The following DACH2 variants were observed in gnomAD, a reference collection of about 807,000 sequenced individuals.
DACH2 encodes the protein dachshund homolog 2.
Under a neutral mutation model 35.8 loss-of-function variants are expected in DACH2, and 17 were observed. The ratio of observed to expected loss-of-function variants is 0.48; its 90% CI spans 0.33 to 0.71. The LOEUF (loss-of-function observed/expected upper bound fraction) is 0.71, where lower values mean the gene tolerates loss of function less well. DACH2 is among the 30% of genes least tolerant of loss of function. The pLI is 0.02. For synonymous variants in DACH2, 195 were observed against 177.3 expected, an observed-to-expected ratio of 1.10 and a Z score of -0.79; for missense variants, 469 against 472.7, an observed-to-expected ratio of 0.99 and a Z score of 0.07.
At chrX:86,470,125 G>C (rs1394276502) in intron 2 of DACH2, among the ~76,000 whole-genome samples, 5 of 103,766 alleles carry the variant, frequency 4.8e-5, no homozygotes, top group Non-Finnish European at 7.6e-5. Flanking sequence ...CTTATCAGCA[G>C]AGTATCACAA....
At chrX:86,583,661 A>G (rs1602670002) in intron 3 of DACH2, among the ~76,000 whole-genome samples, 1 of 109,226 alleles carries the variant, frequency 9.2e-6, no homozygotes, top group East Asian at 2.9e-4. Flanking sequence ...ATCAATTGAT[A>G]AGACCATACG....
intron 7 of DACH2, among the ~76,000 whole-genome samples, chrX:86,743,222 G>A (rs1319352861): frequency 9.0e-6 from 1 of 111,278 alleles, no homozygotes; most frequent in African/African-American, 3.3e-5. Context: ...AATACTGATA[G>A]ATATGATCTC....
intron 2 of DACH2, among the ~76,000 whole-genome samples, chrX:86,446,339 A>T (rs1602529064): frequency 2.6e-5 from 2 of 76,751 alleles, no homozygotes; most frequent in African/African-American, 5.2e-5. Flanking sequence ...ACATGTGCAC[A>T]TTGTGCAGGT....
At chrX:86,376,954 G>C in intron 2 of DACH2, 92 bp downstream of exon 2, 1 of 390,578 alleles carries the variant, frequency 2.6e-6, no homozygotes, top group South Asian at 6.0e-5. Flanking sequence ...CTTGTTCCCT[G>C]TACTATACTC....
chrX:86,296,609 T>C (rs1373299220), intron 1 of DACH2, among the ~76,000 whole-genome samples: 1 of 111,337 alleles, frequency 9.0e-6, no homozygotes, highest in Non-Finnish European at 1.9e-5. Context: ...AGACCCTCTT[T>C]GTTACTGTGC....
intron 2 of DACH2, 116 bp from the exon 3 acceptor site, chrX:86,514,163 A>G: frequency 1.5e-6 from 1 of 666,228 alleles, no homozygotes; most frequent in Admixed American, 3.1e-5. Flanking sequence ...CTTTAATGTA[A>G]AATTCTATCA....
At chrX:86,465,951 T>A (rs2037659097) in intron 2 of DACH2, among the ~76,000 whole-genome samples, 1 of 111,651 alleles carries the variant, frequency 9.0e-6, no homozygotes, top group Admixed American at 9.6e-5. Flanking sequence ...CCTAACATTG[T>A]GGGTGAGATA....
chrX:86,224,692 T>A lies in DACH2; in HGVS notation c.488+75584T>A, dbSNP rs774265978. ...AAATGCTGAGAACGCAGGATTTTTT[T>A]AAACTAGTTCATCATTCTTTTAATC... On this transcript the variant is annotated intron_variant, in intron 1 of 11. Transcript: ENST00000373125. Among the ~76,000 whole-genome samples, 9 of 111,718 alleles carry A rather than the reference T, an allele frequency of 8.1e-5. No homozygotes were observed. In the East Asian group the frequency reaches 8.4e-4, roughly 10 times the overall value.
At chrX:86,705,073 T>TATATATATATATATCTCAC (rs1457150699) in intron 5 of DACH2, among the ~76,000 whole-genome samples, 1 of 106,926 alleles carries the variant, frequency 9.4e-6, no homozygotes, top group Non-Finnish European at 1.9e-5. Context: ...ATATCTCACA[T>TATATATATATATATCTCAC]ATATATGTGA....
At position 86,395,920 on chromosome X, in the gene DACH2, G is replaced by A. The variant is rs1381425801; in HGVS notation, c.527+19058G>A. Among the ~76,000 whole-genome samples the A allele has an allele frequency of 1.1e-4, 12 of 111,491 alleles. 1 individual carries two copies. The East Asian group carries it at 3.4e-3, about 32-fold the overall frequency. Reference sequence around the variant, plus strand: ...ATATACCCAGTAATGGGATGGCTGGGTCAAATGGTATTTCTAGTTCTAGAT... The same window carrying A: ...ATATACCCAGTAATGGGATGGCTGGATCAAATGGTATTTCTAGTTCTAGAT... On this transcript the variant is annotated intron_variant, in intron 2 of 11. Coordinates refer to ENST00000373125, the MANE Select transcript of DACH2 (RefSeq NM_053281.3).
At chrX:86,803,830 G>A in intron 7 of DACH2, among the ~76,000 whole-genome samples, 1 of 110,657 alleles carries the variant, frequency 9.0e-6, no homozygotes, top group East Asian at 2.8e-4. Flanking sequence ...AAAATAAATT[G>A]TCTCAATGAG....
At chrX:86,443,106 A>G (rs1049002595) in intron 2 of DACH2, among the ~76,000 whole-genome samples, 1 of 111,728 alleles carries the variant, frequency 9.0e-6, no homozygotes, top group Non-Finnish European at 1.9e-5. Flanking sequence ...CTATTTCCAT[A>G]AGAAATGTCA....
intron 3 of DACH2, among the ~76,000 whole-genome samples, chrX:86,519,157 G>C: frequency 8.9e-6 from 1 of 112,130 alleles, no homozygotes; most frequent in Middle Eastern, 4.6e-3. Flanking sequence ...AGATAATCAT[G>C]TGGTTTTTGT....
chrX:86,826,535 G>A (rs750063076), intron 11 of DACH2, among the ~76,000 whole-genome samples: 3 of 111,406 alleles, frequency 2.7e-5, no homozygotes, highest in South Asian at 3.8e-4. Context: ...TAGACAAAGA[G>A]TAATCAAACA....
At chrX:86,273,816 T>C (rs182509176) in intron 1 of DACH2, among the ~76,000 whole-genome samples, 1 of 112,287 alleles carries the variant, frequency 8.9e-6, no homozygotes, top group Non-Finnish European at 1.9e-5. Flanking sequence ...CATTCTGGTC[T>C]AGTGGGATTA....
At chrX:86,508,027 T>A (rs970769410) in intron 2 of DACH2, among the ~76,000 whole-genome samples, 4 of 111,441 alleles carry the variant, frequency 3.6e-5, no homozygotes, top group Non-Finnish European at 7.5e-5. Context: ...ATTCCTATAT[T>A]GCTGACAGAA....
rs771673165 is a variant in DACH2, at chrX:86,823,032, G to A, written c.1750+6933G>A. ...GTGCAGTGGCATATCGGCTCACTGC[G>A]ACCTCTGCCTCTCAAGTTCAAGCGA... On this transcript the variant is annotated intron_variant, in intron 11 of 11. Coordinates refer to ENST00000373125, the MANE Select transcript of DACH2 (RefSeq NM_053281.3). Among the ~76,000 whole-genome samples, 8 of 110,846 alleles carry A rather than the reference G, an allele frequency of 7.2e-5. No individual in the cohort carries two copies. The East Asian group carries it at 2.0e-3, about 28-fold the overall frequency.
At chrX:86,186,791 C>G (rs140684375) in intron 1 of DACH2, among the ~76,000 whole-genome samples, 3,678 of 111,360 alleles carry the variant, frequency 0.033, 143 homozygotes, top group African/African-American at 0.11. Context: ...CAAAGGTATA[C>G]AATATGTCAA....
At chrX:86,162,564 A>G (rs1180627633) in intron 1 of DACH2, among the ~76,000 whole-genome samples, 1 of 111,115 alleles carries the variant, frequency 9.0e-6, no homozygotes, top group Non-Finnish European at 1.9e-5. Context: ...AATGAACAGG[A>G]ACAAAGGACA....
Sources: allele counts gnomAD v4.1 joint callset (sites outside exome capture counted in the v4.1 genomes callset), GRCh38; gene constraint gnomAD v4.1.1; transcripts MANE v1.5; gene names NCBI Gene and HGNC (gene_info 2026-07-23, HGNC 2026-07-21).